CFDP1: variants seen among roughly 807,000 people sequenced by gnomAD.
CFDP1 encodes heterochromatin-stabilizing protein CFDP1.
CFDP1 carries 31 observed loss-of-function variants against 40.1 expected under a neutral mutation model. The ratio of observed to expected loss-of-function variants is 0.77; its 90% confidence interval spans 0.58 to 1.04. The LOEUF is 1.04. Among genes scored for constraint, CFDP1 ranks in the 50% least tolerant of loss-of-function variants. The probability of loss-of-function intolerance (pLI) is 0.00; values close to 1 mark genes in which losing one functional copy is unlikely to be tolerated. For synonymous variants in CFDP1, 167 were observed against 120.0 expected, an observed-to-expected ratio of 1.39 and a Z score of -2.56; for missense variants, 423 against 343.4, an observed-to-expected ratio of 1.23 and a Z score of -1.83.
intron 4 of CFDP1, among the ~76,000 whole-genome samples, chr16:75,402,849 T>G (rs1453276317): frequency 6.6e-6 from 1 of 152,210 alleles, no homozygotes. Context: ...ACATGCCCAC[T>G]ATTAACAGGG....
At position 75,433,449 on chromosome 16, in the gene CFDP1, G is replaced by A. The variant is rs566950171; in HGVS notation, c.-97C>T. On this transcript the variant is annotated 5_prime_UTR_variant, in exon 1 of 7. Transcript: ENST00000283882. ...GAGACCATAGAGCCCCGGCGGCGGCGACGGCAGCTAGGGCGGCCCCCGACA... is the reference window on the plus strand; with the variant it reads ...GAGACCATAGAGCCCCGGCGGCGGCAACGGCAGCTAGGGCGGCCCCCGACA... 6.3e-6 allele frequency: 8 copies of A among 1,261,270 alleles called. No individual in the cohort carries two copies. Among genetic ancestry groups the A allele is most frequent in the African/African-American group, 1.5e-5 (1 of 67,420 alleles). 78.1% of individuals were successfully genotyped at this position (1,261,270 alleles called of 1,614,324 possible). A position where few individuals can be genotyped will look rare whatever the true frequency, so the allele number is the denominator to read the frequency against.
chr16:75,404,737 A>G (rs1295040016), intron 4 of CFDP1, among the ~76,000 whole-genome samples: 2 of 152,178 alleles, frequency 1.3e-5, no homozygotes, highest in Non-Finnish European at 2.9e-5. Flanking sequence ...ATGCTGTGAA[A>G]TACAGAAAAG....
chr16:75,294,770 G>A (rs1269305364), intron 6 of CFDP1, among the ~76,000 whole-genome samples: 1 of 152,154 alleles, frequency 6.6e-6, no homozygotes, highest in Non-Finnish European at 1.5e-5. Context: ...AAGGGCCTCT[G>A]ATCTCTCCTT....
chr16:75,319,591 G>C (rs963927127), intron 5 of CFDP1, among the ~76,000 whole-genome samples: 1 of 152,168 alleles, frequency 6.6e-6, no homozygotes, highest in East Asian at 1.9e-4. Context: ...TGCTCACTCA[G>C]TTGCCAGGGT....
At chr16:75,395,068 G>C in intron 5 of CFDP1, 22 bp downstream of exon 5, 2 of 1,613,014 alleles carry the variant, frequency 1.2e-6, no homozygotes, top group South Asian at 1.1e-5. Context: ...AGTACATCAG[G>C]GAGTGAGACT....
chr16:75,308,428 TCTAA>T (rs1433594852), intron 5 of CFDP1, among the ~76,000 whole-genome samples: 1 of 152,200 alleles, frequency 6.6e-6, no homozygotes, highest in African/African-American at 2.4e-5. Flanking sequence ...TTGAGGGGAC[TCTAA>T]CTAAGGATTT....
intron 5 of CFDP1, among the ~76,000 whole-genome samples, chr16:75,312,670 C>A (rs141163684): frequency 6.6e-4 from 101 of 152,280 alleles, no homozygotes; most frequent in African/African-American, 2.4e-3. Flanking sequence ...AAAGCCCTTG[C>A]CAACCCTTTC....
intron 5 of CFDP1, among the ~76,000 whole-genome samples, chr16:75,309,069 T>C (rs1286428249): frequency 6.6e-6 from 1 of 152,176 alleles, no homozygotes; most frequent in Non-Finnish European, 1.5e-5. Context: ...TCAAAGTGAA[T>C]GACACACTGA....
rs1274167909 is a variant in CFDP1 at position 75,375,633 on chromosome 16, A to C, written c.650+19457T>G. Among the ~76,000 whole-genome samples, 3 of 152,202 alleles carry C rather than the reference A, an allele frequency of 2.0e-5. No homozygotes were observed. The East Asian group carries it at 5.8e-4, about 29-fold the overall frequency. On this transcript the variant is annotated intron_variant, in intron 5 of 6. Coordinates refer to ENST00000283882, the MANE Select transcript of CFDP1 (RefSeq NM_006324.3). ...ATGATGAAACCCCATCTCCACAAAA[A>C]ATACAAAAATTAGCCAGGTGTGGTG...
At chr16:75,297,250 C>T (rs868037746) in intron 6 of CFDP1, among the ~76,000 whole-genome samples, 70 of 150,542 alleles carry the variant, frequency 4.6e-4, no homozygotes, top group African/African-American at 1.7e-3. Context: ...GAACTCCTGG[C>T]CTCAAGTAAT....
At chr16:75,369,073 A>C (rs1308274414) in intron 5 of CFDP1, among the ~76,000 whole-genome samples, 1 of 152,164 alleles carries the variant, frequency 6.6e-6, no homozygotes, top group Non-Finnish European at 1.5e-5. Context: ...ATCAAATTCA[A>C]GGTTTGGTTA....
At chr16:75,303,400 AATGTATGT>A (rs71380717) in intron 6 of CFDP1, among the ~76,000 whole-genome samples, 60 of 146,246 alleles carry the variant, frequency 4.1e-4, no homozygotes, top group African/African-American at 1.3e-3. Context: ...TAAATAAATA[AATGTATGT>A]ATGTATGTAT....
At chr16:75,349,382 C>T (rs1267215501) in intron 5 of CFDP1, among the ~76,000 whole-genome samples, 3 of 150,886 alleles carry the variant, frequency 2.0e-5, no homozygotes, top group Middle Eastern at 3.2e-3. Flanking sequence ...TGGTGGCGGG[C>T]GACTGTAATC....
chr16:75,395,043 T>C, intron 5 of CFDP1, 47 bp downstream of exon 5: 1 of 1,609,652 alleles, frequency 6.2e-7, no homozygotes, highest in Non-Finnish European at 8.5e-7. Flanking sequence ...CACTGAAAGC[T>C]TCTCCAACGT....
chr16:75,329,364 G>A (rs2078428079), intron 5 of CFDP1, among the ~76,000 whole-genome samples: 1 of 152,182 alleles, frequency 6.6e-6, no homozygotes, highest in African/African-American at 2.4e-5. Context: ...CCTGGCAAGT[G>A]GACCCAGGAC....
chr16:75,345,078 C>T (rs182839953), intron 5 of CFDP1, among the ~76,000 whole-genome samples: 1 of 152,014 alleles, frequency 6.6e-6, no homozygotes, highest in African/African-American at 2.4e-5. Context: ...GCAATCCCAG[C>T]ACTTTGGGAG....
intron 5 of CFDP1, among the ~76,000 whole-genome samples, chr16:75,333,457 G>A (rs2078462999): frequency 6.6e-6 from 1 of 152,188 alleles, no homozygotes; most frequent in Admixed American, 6.5e-5. Context: ...TCGATGGGCA[G>A]AAGGAGGATT....
chr16:75,367,660 G>GCC (rs2078724427), intron 5 of CFDP1, among the ~76,000 whole-genome samples: 1 of 151,778 alleles, frequency 6.6e-6, no homozygotes. Context: ...GGTCGTGGTG[G>GCC]CAGGAGCCTG....
intron 4 of CFDP1, among the ~76,000 whole-genome samples, chr16:75,404,375 C>T (rs1206663347): frequency 5.0e-4 from 76 of 151,758 alleles, no homozygotes; most frequent in Non-Finnish European, 1.5e-5. Flanking sequence ...GCACCCGCCA[C>T]TGCACCCAGC....
Sources: gnomAD v4.1 joint callset for allele counts (sites outside exome capture counted in the v4.1 genomes callset) on GRCh38, gnomAD v4.1.1 for gene constraint, MANE v1.5 for transcripts, NCBI Gene and HGNC (gene_info 2026-07-23, HGNC 2026-07-21) for gene names.